Variants in PTPRN2 observed in about 807,000 individuals in gnomAD.
PTPRN2 encodes the protein protein tyrosine phosphatase receptor type N2, also known as receptor-type tyrosine-protein phosphatase N2.
Under a neutral mutation model 118.8 loss-of-function variants are expected in PTPRN2, and 74 were observed. The ratio of observed to expected loss-of-function variants is 0.62; its 90% CI spans 0.52 to 0.76. The LOEUF (loss-of-function observed/expected upper bound fraction) is 0.76, where lower values mean the gene tolerates loss of function less well. Ranked by LOEUF, PTPRN2 falls within the 30% of genes least tolerant of loss-of-function variation. PTPRN2 has a pLI of 0.00. For synonymous variants in PTPRN2, 641 were observed against 608.0 expected (o/e 1.05, Z -0.80); for missense variants, 1,481 against 1,394.4 (o/e 1.06, Z -0.99).
chr7:157,840,686 T>G (rs1157331981), intron 12 of PTPRN2, among the ~76,000 whole-genome samples: 6 of 152,218 alleles, frequency 3.9e-5, no homozygotes, highest in Non-Finnish European at 5.9e-5. Context: ...ATGCTGACGC[T>G]GGCACCTGAT....
Position 158,126,716 on chromosome 7 carries a change from C to T in PTPRN2, c.1556+6961G>A, listed in dbSNP as rs535432823. ...CTCCGCCACACCAGCCCCCGGAGAG[C>T]GGGCAGTGGTTCCTGAGCACTCGGT... On this transcript the variant is annotated intron_variant, in intron 9 of 22. Transcript: ENST00000389418. Among the ~76,000 whole-genome samples the T allele has an allele frequency of 5.8e-4, 88 of 151,836 alleles. 2 individuals carry two copies. In the South Asian group the frequency reaches 0.017, roughly 29 times the overall value.
intron 11 of PTPRN2, among the ~76,000 whole-genome samples, chr7:157,916,584 G>A (rs1798410315): frequency 1.3e-5 from 2 of 152,236 alleles, no homozygotes; most frequent in African/African-American, 4.8e-5. Flanking sequence ...GGTCTAAGAG[G>A]TGCCTGGTGC....
intron 10 of PTPRN2, among the ~76,000 whole-genome samples, 170 bp from the exon 11 acceptor site, chr7:158,081,547 T>G (rs1374730737): frequency 2.8e-4 from 42 of 152,200 alleles, no homozygotes; most frequent in Non-Finnish European, 2.9e-5. Flanking sequence ...CACCATGACC[T>G]TTGTTTCCAT....
At chr7:158,133,137 C>T (rs1270432396) in intron 9 of PTPRN2, among the ~76,000 whole-genome samples, 3 of 152,196 alleles carry the variant, frequency 2.0e-5, no homozygotes, top group Non-Finnish European at 4.4e-5. Flanking sequence ...CCCCTTCTTC[C>T]TTCTGAAGGG....
At chr7:158,510,768 G>A (rs1823119659) in intron 1 of PTPRN2, among the ~76,000 whole-genome samples, 1 of 152,200 alleles carries the variant, frequency 6.6e-6, no homozygotes, top group Non-Finnish European at 1.5e-5. Context: ...GGATGTGAAT[G>A]TAAAGAATAA....
chr7:158,177,702 A>G (rs528488940), intron 5 of PTPRN2, among the ~76,000 whole-genome samples: 4 of 152,368 alleles, frequency 2.6e-5, no homozygotes, highest in African/African-American at 9.6e-5. Flanking sequence ...TCATGCATCA[A>G]CAGCTCACTC....
In PTPRN2 at chr7:158,544,307, G is replaced by C. The variant is rs1310561550; in HGVS notation, c.112+43251C>G. On this transcript the variant is annotated intron_variant, in intron 1 of 22. Coordinates refer to ENST00000389418, the MANE Select transcript of PTPRN2 (RefSeq NM_002847.5). This position sits in a 1 kb window ranked among gnomAD's most constrained non-coding sequence, Gnocchi z 4.2. Reference sequence around the variant, plus strand: ...GGCCCACGAGATGGCTCTGAATGTGGCCCAACACAAATTCATAAACTTTCT... The same window carrying C: ...GGCCCACGAGATGGCTCTGAATGTGCCCCAACACAAATTCATAAACTTTCT... 6.6e-6 allele frequency among the ~76,000 whole-genome samples: 1 copy of C among 151,972 alleles called. No individual in the cohort carries two copies. Among genetic ancestry groups the C allele is most frequent in the Non-Finnish European group, 1.5e-5 (1 of 67,982 alleles).
chr7:158,093,526 C>T lies in PTPRN2; in HGVS notation c.1644-12149G>A, dbSNP rs1381115744. ...GCGTCCCTCACTCTAGGCAAGCCCA[C>T]AGCTTGGTGCTGGGCTAATCCAAGC... On this transcript the variant is annotated intron_variant, in intron 10 of 22. Coordinates refer to ENST00000389418, the MANE Select transcript of PTPRN2 (RefSeq NM_002847.5). This position sits in a 1 kb window ranked among gnomAD's most constrained non-coding sequence, Gnocchi z 4.4. 6.6e-6 allele frequency among the ~76,000 whole-genome samples: 1 copy of T among 152,222 alleles called. No homozygotes were observed. Among genetic ancestry groups the T allele is most frequent in the Non-Finnish European group, 1.5e-5 (1 of 68,042 alleles).
At chr7:158,548,764 G>A (rs779936203) in intron 1 of PTPRN2, among the ~76,000 whole-genome samples, 8 of 152,330 alleles carry the variant, frequency 5.3e-5, no homozygotes, top group South Asian at 2.1e-4. Context: ...TGGGACCAGC[G>A]TGAACCCAGG....
chr7:158,532,339 G>A (rs978717152), intron 1 of PTPRN2, among the ~76,000 whole-genome samples: 5 of 152,192 alleles, frequency 3.3e-5, no homozygotes, highest in African/African-American at 1.2e-4. Context: ...AAGCGACATT[G>A]GGAGAGGAAA....
At chr7:158,149,613 G>A (rs1156529344) in intron 6 of PTPRN2, among the ~76,000 whole-genome samples, 2 of 152,110 alleles carry the variant, frequency 1.3e-5, no homozygotes, top group African/African-American at 4.8e-5. Context: ...GACCAGCCTG[G>A]CCAACATGGT....
intron 12 of PTPRN2, among the ~76,000 whole-genome samples, chr7:157,790,598 A>G (rs1686666803): frequency 6.6e-6 from 1 of 152,222 alleles, no homozygotes; most frequent in Non-Finnish European, 1.5e-5. Context: ...GATAAACACA[A>G]GTGGGAAATT....
chr7:157,883,140 G>A (rs57718988), intron 12 of PTPRN2, among the ~76,000 whole-genome samples: 6,539 of 118,978 alleles, frequency 0.055, 389 homozygotes, highest in East Asian at 0.29. Flanking sequence ...TGACTGTCAG[G>A]GATCAGAACA....
Position 157,953,329 on chromosome 7 carries a change from G to C in PTPRN2, c.1724-54592C>G, listed in dbSNP as rs1265336462. ...GGAGTGCACGAGGCAGATGGATGGAGACGTGGGAGCAGGGGCTGGCAGCAC... is the reference window on the plus strand; with the variant it reads ...GGAGTGCACGAGGCAGATGGATGGACACGTGGGAGCAGGGGCTGGCAGCAC... On this transcript the variant is annotated intron_variant, in intron 11 of 22. Coordinates refer to ENST00000389418, the MANE Select transcript of PTPRN2 (RefSeq NM_002847.5). The surrounding 1 kb of genome is among the most constrained non-coding windows in gnomAD (Gnocchi z 4.6). 1.3e-5 allele frequency among the ~76,000 whole-genome samples: 2 copies of C among 152,204 alleles called. No homozygotes were observed. The highest frequency in any genetic ancestry group is 2.4e-5 in the African/African-American group (1 of 41,452).
Position 157,787,066 on chromosome 7 carries a change from C to T in PTPRN2, c.1789-104129G>A, listed in dbSNP as rs1162639949. 3.3e-4 allele frequency among the ~76,000 whole-genome samples: 42 copies of T among 128,324 alleles called. 1 individual carries two copies. Among genetic ancestry groups the T allele is most frequent in the East Asian group, 1.2e-3 (5 of 4,180 alleles). 84.2% of individuals were successfully genotyped at this position (128,324 alleles called of 152,430 possible). ...GGGGTGGCTGCCCGGGAGGCGGACG[C>T]GGGTGCGGCGGGGGACGCGGGGGTG... On this transcript the variant is annotated intron_variant, in intron 12 of 22. Transcript: ENST00000389418. The surrounding 1 kb of genome is among the most constrained non-coding windows in gnomAD (Gnocchi z 5.3).
chr7:157,915,949 C>A (rs1296594409), intron 11 of PTPRN2, among the ~76,000 whole-genome samples: 1 of 152,176 alleles, frequency 6.6e-6, no homozygotes, highest in African/African-American at 2.4e-5. Flanking sequence ...CTGCCCCGCC[C>A]CAGCTGCTTT....
At chr7:157,791,553 G>GC (rs1304262408) in intron 12 of PTPRN2, among the ~76,000 whole-genome samples, 17 of 125,888 alleles carry the variant, frequency 1.4e-4, no homozygotes, top group South Asian at 2.5e-4. Context: ...GCACCCACCT[G>GC]CCCCCCCTCC....
At chr7:158,131,539 ACG>A (rs200518958) in intron 9 of PTPRN2, among the ~76,000 whole-genome samples, 2,468 of 150,740 alleles carry the variant, frequency 0.016, 66 homozygotes, top group African/African-American at 0.051. Flanking sequence ...ATACACACAC[ACG>A]GGTACATACA....
chr7:158,437,235 A>G (rs1816633079), intron 2 of PTPRN2, among the ~76,000 whole-genome samples: 1 of 152,162 alleles, frequency 6.6e-6, no homozygotes, highest in Admixed American at 6.5e-5. Context: ...ATGTTTTGTG[A>G]TGCCCATCTA....
Sources: gnomAD v4.1 joint callset for allele counts (sites outside exome capture counted in the v4.1 genomes callset) on GRCh38, gnomAD v4.1.1 for gene constraint, Gnocchi (gnomAD v3.1) non-coding constraint, MANE v1.5 for transcripts, NCBI Gene and HGNC (gene_info 2026-07-23, HGNC 2026-07-21) for gene names.